The following ADAMTSL3 variants were observed in gnomAD, a reference collection of about 807,000 sequenced individuals.
The protein encoded by ADAMTSL3 is ADAMTS like 3.
A neutral mutation model predicts 201.7 loss-of-function variants in ADAMTSL3; 128 were observed. That is an observed-to-expected ratio of 0.63 (90% CI 0.55 to 0.73). ADAMTSL3 has a LOEUF of 0.73. Among genes scored for constraint, ADAMTSL3 ranks in the 30% least tolerant of loss-of-function variants. The pLI, the probability that ADAMTSL3 is intolerant of heterozygous loss-of-function variation, is 0.00. For missense variants in ADAMTSL3, 1,990 were observed against 2,119.6 expected, an observed-to-expected ratio of 0.94 and a Z score of 1.20; for synonymous variants, 738 against 748.4, an observed-to-expected ratio of 0.99 and a Z score of 0.23.
Position 83,942,952 on chromosome 15 carries a change from G to A in ADAMTSL3, c.2360G>A (p.Arg787Gln), listed in dbSNP as rs148746108. 12 of 1,613,314 alleles carry A rather than the reference G, an allele frequency of 7.4e-6. No individual in the cohort carries two copies. Among genetic ancestry groups the A allele is most frequent in the African/African-American group, 6.7e-5 (5 of 74,896 alleles). ...ACTCAGAACAGAAGAGTCACCTGTC[G>A]GCAGCTGCTAACGGATGGCAGCTTT... ...GGTQNRRVTC[R>Q]QLLTDGSFLN... The change falls in exon 19 of 30, where the codon CGG becomes CAG. Residue 787 changes from arginine (R) to glutamine (Q), a missense_variant. By Grantham distance (43) the Arg-to-Gln change is conservative (BLOSUM62 1). Transcript: ENST00000286744.
intron 4 of ADAMTSL3, among the ~76,000 whole-genome samples, chr15:83,798,806 C>CAAA (rs11340224): frequency 7.9e-5 from 6 of 76,344 alleles, no homozygotes; most frequent in Admixed American, 1.6e-4. Flanking sequence ...GACTCCGTCT[C>CAAA]AAAAAAAAAA....
At chr15:83,846,014 C>G (rs368046738) in intron 7 of ADAMTSL3, among the ~76,000 whole-genome samples, 9 of 152,166 alleles carry the variant, frequency 5.9e-5, no homozygotes, top group East Asian at 3.9e-4. Context: ...GAAGAGCCCA[C>G]TTAGACCAGC....
intron 3 of ADAMTSL3, among the ~76,000 whole-genome samples, chr15:83,765,806 A>G (rs2062880223): frequency 6.6e-6 from 1 of 152,166 alleles, no homozygotes; most frequent in Non-Finnish European, 1.5e-5. Flanking sequence ...AAACAACACA[A>G]AGTGCATACT....
chr15:83,957,738 A>G (rs994588348), intron 19 of ADAMTSL3, among the ~76,000 whole-genome samples: 2 of 152,194 alleles, frequency 1.3e-5, no homozygotes, highest in Non-Finnish European at 2.9e-5. Context: ...TTAGACATAC[A>G]TGTAGTTTGA....
intron 7 of ADAMTSL3, among the ~76,000 whole-genome samples, chr15:83,856,482 C>CG: frequency 6.6e-6 from 1 of 151,896 alleles, no homozygotes; most frequent in East Asian, 1.9e-4. Flanking sequence ...TGGCCCCCTC[C>CG]TTTTTTTTAA....
chr15:83,917,263 A>T (rs1382062179), intron 16 of ADAMTSL3, among the ~76,000 whole-genome samples: 1 of 152,242 alleles, frequency 6.6e-6, no homozygotes, highest in Non-Finnish European at 1.5e-5. Context: ...TCTTCACATC[A>T]TACAGGAAAT....
chr15:83,967,519 A>C (rs2067112146), intron 19 of ADAMTSL3, among the ~76,000 whole-genome samples: 1 of 152,232 alleles, frequency 6.6e-6, no homozygotes, highest in South Asian at 2.1e-4. Context: ...ACCACTGCTC[A>C]AGGAAATAAG....
intron 3 of ADAMTSL3, among the ~76,000 whole-genome samples, chr15:83,715,231 T>C (rs2062000847): frequency 6.6e-6 from 1 of 152,192 alleles, no homozygotes; most frequent in African/African-American, 2.4e-5. Context: ...TCAGCAGTGA[T>C]AGCTCAGGAC....
intron 3 of ADAMTSL3, among the ~76,000 whole-genome samples, chr15:83,715,710 C>T (rs1013950592): frequency 1.3e-5 from 2 of 152,196 alleles, no homozygotes; most frequent in African/African-American, 4.8e-5. Flanking sequence ...CTTGTTTCCT[C>T]CTCTGAAATA....
chr15:84,019,892 CAAA>C (rs1219615275), intron 25 of ADAMTSL3, among the ~76,000 whole-genome samples: 4 of 65,184 alleles, frequency 6.1e-5, no homozygotes, highest in Non-Finnish European at 5.8e-5. Flanking sequence ...GACTCTGTCT[CAAA>C]AAAAAAAAAA....
intron 3 of ADAMTSL3, among the ~76,000 whole-genome samples, chr15:83,713,975 G>A (rs1286892905): frequency 6.6e-6 from 1 of 152,136 alleles, no homozygotes; most frequent in Non-Finnish European, 1.5e-5. Context: ...ACTTTGGGGA[G>A]CTGAGACGTG....
At chr15:83,707,996 T>C (rs2061877049) in intron 3 of ADAMTSL3, among the ~76,000 whole-genome samples, 1 of 152,252 alleles carries the variant, frequency 6.6e-6, no homozygotes, top group Admixed American at 6.5e-5. Context: ...GCCTTTGTTA[T>C]ATGCCAGCAG....
intron 23 of ADAMTSL3, among the ~76,000 whole-genome samples, chr15:83,994,231 A>G (rs765577644): frequency 6.6e-6 from 1 of 152,254 alleles, no homozygotes; most frequent in East Asian, 1.9e-4. Context: ...AGATGCTTCT[A>G]AACTAAAACT....
intron 16 of ADAMTSL3, among the ~76,000 whole-genome samples, chr15:83,917,879 T>A (rs1314136768): frequency 5.3e-5 from 8 of 152,222 alleles, no homozygotes; most frequent in Non-Finnish European, 1.5e-5. Context: ...TAAGGTGATG[T>A]TCAAAGAGTG....
At chr15:83,878,672 G>T (rs1174481228) in intron 9 of ADAMTSL3, among the ~76,000 whole-genome samples, 1 of 152,034 alleles carries the variant, frequency 6.6e-6, no homozygotes, top group East Asian at 1.9e-4. Context: ...GTTAAAAGGT[G>T]TATCCTTTTA....
chr15:83,662,668 C>T (rs923898475), intron 2 of ADAMTSL3, among the ~76,000 whole-genome samples: 6 of 151,900 alleles, frequency 3.9e-5, no homozygotes, highest in African/African-American at 1.2e-4. Context: ...TCTCCCTTTC[C>T]TCTAGTCTGG....
intron 23 of ADAMTSL3, among the ~76,000 whole-genome samples, chr15:83,994,457 A>T (rs1351838414): frequency 2.0e-5 from 3 of 152,214 alleles, no homozygotes; most frequent in Non-Finnish European, 4.4e-5. Flanking sequence ...TGGATGACTA[A>T]AGGAGAGTTT....
rs371541561 is a variant in ADAMTSL3 at position 84,037,739 on chromosome 15, A to G, written c.5009A>G (p.Lys1670Arg). The G allele has an allele frequency of 1.2e-5, 19 of 1,613,168 alleles. No individual in the cohort carries two copies. The highest frequency in any genetic ancestry group is 1.5e-5 in the Non-Finnish European group (18 of 1,179,734). ...ACAACTCACTACTGTATGTTTGTAA[A>G]ACATCTTAATTTGTGTTCTCTAGAC... ...TDTTHYCMFV[K>R]HLNLCSLDRY... Residue 1670 changes from lysine (K) to arginine (R), a missense_variant, in exon 30 of 30, where the codon AAA (lysine) becomes AGA (arginine). Lys to Arg is a conservative substitution (Grantham distance 26). Coordinates refer to ENST00000286744, the MANE Select transcript of ADAMTSL3 (RefSeq NM_207517.3).
At chr15:83,772,575 T>C (rs553296650) in intron 3 of ADAMTSL3, among the ~76,000 whole-genome samples, 1 of 152,326 alleles carries the variant, frequency 6.6e-6, no homozygotes, top group South Asian at 2.1e-4. Flanking sequence ...CCAACTATGT[T>C]CATATGACTT....
Sources: allele counts gnomAD v4.1 joint callset (sites outside exome capture counted in the v4.1 genomes callset), GRCh38; gene constraint gnomAD v4.1.1; transcripts MANE v1.5; gene names NCBI Gene and HGNC (gene_info 2026-07-23, HGNC 2026-07-21).